The following NR3C2 variants were observed in gnomAD, a reference collection of about 807,000 sequenced individuals.
NR3C2 encodes mineralocorticoid receptor.
Under a neutral mutation model 86.4 loss-of-function variants are expected in NR3C2, and 15 were observed. That is an observed-to-expected ratio of 0.17 (90% CI 0.12 to 0.27). NR3C2 has a LOEUF of 0.27. Among genes scored for constraint, NR3C2 ranks in the 10% least tolerant of loss-of-function variants. The pLI is 1.00. For synonymous variants in NR3C2, 458 were observed against 450.5 expected (o/e 1.02, Z -0.21); for missense variants, 960 against 1,195.6 (o/e 0.80, Z 2.91).
intron 3 of NR3C2, among the ~76,000 whole-genome samples, chr4:148,235,904 T>C (rs918744484): frequency 3.9e-5 from 6 of 152,386 alleles, no homozygotes; most frequent in Middle Eastern, 3.4e-3. Flanking sequence ...GCTACCTTTC[T>C]TCCTCCATCT....
chr4:148,421,210 T>C (rs1749265172), intron 2 of NR3C2, among the ~76,000 whole-genome samples: 1 of 152,200 alleles, frequency 6.6e-6, no homozygotes, highest in Non-Finnish European at 1.5e-5. Context: ...AAATTTGCCA[T>C]ATTCACCATT....
intron 4 of NR3C2, among the ~76,000 whole-genome samples, chr4:148,189,663 T>G (rs1217241772): frequency 6.6e-6 from 1 of 152,178 alleles, no homozygotes; most frequent in African/African-American, 2.4e-5. Flanking sequence ...GACTTTTTTT[T>G]GTTGACAATT....
At chr4:148,136,060 A>ACC (rs1560939881) in intron 6 of NR3C2, among the ~76,000 whole-genome samples, 27 of 57,344 alleles carry the variant, frequency 4.7e-4, no homozygotes, top group Non-Finnish European at 8.3e-4. Context: ...CCGTCTCAAA[A>ACC]AAAAAAAAAA....
chr4:148,398,439 T>C (rs1747971815), intron 2 of NR3C2, among the ~76,000 whole-genome samples: 1 of 152,226 alleles, frequency 6.6e-6, no homozygotes, highest in African/African-American at 2.4e-5. Flanking sequence ...ATATATAAAA[T>C]ATCACTTCTG....
intron 3 of NR3C2, among the ~76,000 whole-genome samples, chr4:148,224,507 A>G (rs1738042880): frequency 6.6e-6 from 1 of 152,210 alleles, no homozygotes; most frequent in Non-Finnish European, 1.5e-5. Context: ...CATTGTGGGG[A>G]CACAGAAAAA....
intron 2 of NR3C2, among the ~76,000 whole-genome samples, chr4:148,342,284 C>G (rs1389299723): frequency 6.6e-6 from 1 of 152,130 alleles, no homozygotes; most frequent in Non-Finnish European, 1.5e-5. Context: ...AACACACACA[C>G]ACACACAGAA....
intron 4 of NR3C2, among the ~76,000 whole-genome samples, chr4:148,161,717 C>CA (rs1343814066): frequency 6.6e-6 from 1 of 152,050 alleles, no homozygotes; most frequent in Non-Finnish European, 1.5e-5. Context: ...TATTACTTAG[C>CA]AAATAACTAA....
intron 2 of NR3C2, among the ~76,000 whole-genome samples, chr4:148,319,088 T>C (rs1298071715): frequency 6.6e-6 from 1 of 151,846 alleles, no homozygotes; most frequent in Admixed American, 6.6e-5. Context: ...TTCAGCTTTC[T>C]ACATATGGCT....
chr4:148,436,397 C>G lies in NR3C2; in HGVS notation c.464G>C (p.Ser155Thr). ...TGATCTCAAGGGCGTGTTCACACAA[C>G]TTAGAGTGGAAGGACGATGGCCATT... ...KGNGHRPSTL[S>T]CVNTPLRSFM... The change falls in exon 2 of 9, where the codon AGT (serine) becomes ACT (threonine). Residue 155 changes from serine to threonine, a missense_variant. Physicochemically the swap from Ser to Thr is moderately conservative, Grantham distance 58. Coordinates refer to ENST00000358102, the MANE Select transcript of NR3C2 (RefSeq NM_000901.5). The G allele has an allele frequency of 6.2e-7, 1 of 1,614,182 alleles. No individual in the cohort carries two copies. The highest frequency in any genetic ancestry group is 8.5e-7 in the Non-Finnish European group (1 of 1,180,038).
chr4:148,268,556 T>C (rs1174402848), intron 2 of NR3C2, among the ~76,000 whole-genome samples: 1 of 152,186 alleles, frequency 6.6e-6, no homozygotes, highest in Non-Finnish European at 1.5e-5. Context: ...CCTTGGAAAA[T>C]AATTTAAAGC....
At chr4:148,138,472 C>T (rs1733455910) in intron 6 of NR3C2, among the ~76,000 whole-genome samples, 1 of 152,114 alleles carries the variant, frequency 6.6e-6, no homozygotes, top group African/African-American at 2.4e-5. Flanking sequence ...GCCTCAACTT[C>T]CCTGGGCTCA....
At chr4:148,269,904 A>G (rs1377476553) in intron 2 of NR3C2, among the ~76,000 whole-genome samples, 1 of 152,182 alleles carries the variant, frequency 6.6e-6, no homozygotes, top group African/African-American at 2.4e-5. Flanking sequence ...AAAAGATTAT[A>G]TATGTACACA....
In NR3C2 at chr4:148,187,000, A is replaced by G. The variant is rs374574916; in HGVS notation, c.2014+7746T>C. Among the ~76,000 whole-genome samples, 55 of 14,460 alleles carry G rather than the reference A, an allele frequency of 3.8e-3. 1 individual carries two copies. The East Asian group carries it at 0.042, about 11-fold the overall frequency. The allele number at this position is 14,460 out of a possible 152,430, so 9.5% of individuals were successfully genotyped here. A position where few individuals can be genotyped will look rare whatever the true frequency, so the allele number is the denominator to read the frequency against. On this transcript the variant is annotated intron_variant, in intron 4 of 8. Transcript: ENST00000358102. ...CATACTGATGTGTGTATGTATGTAT[A>G]TATATATATATATATATATATATAT...
intron 3 of NR3C2, among the ~76,000 whole-genome samples, chr4:148,199,136 C>T (rs1736589536): frequency 6.9e-6 from 1 of 144,382 alleles, no homozygotes; most frequent in African/African-American, 2.6e-5. Context: ...CAAAAATCAA[C>T]TCGTAATGAA....
intron 7 of NR3C2, among the ~76,000 whole-genome samples, chr4:148,116,443 G>A (rs1271536049): frequency 6.6e-6 from 1 of 152,212 alleles, no homozygotes; most frequent in Non-Finnish European, 1.5e-5. Context: ...CAGCAGAGCT[G>A]CTGGAAATCA....
chr4:148,188,028 T>C (rs752202180), intron 4 of NR3C2, among the ~76,000 whole-genome samples: 6 of 152,230 alleles, frequency 3.9e-5, no homozygotes, highest in Non-Finnish European at 7.3e-5. Context: ...TGGCTCTAAG[T>C]ATCTGGGTTT....
chr4:148,212,026 G>A (rs898067363), intron 3 of NR3C2, among the ~76,000 whole-genome samples: 5 of 152,084 alleles, frequency 3.3e-5, no homozygotes, highest in South Asian at 4.2e-4. Context: ...ACCTTCCTTG[G>A]AACCTTCCCT....
intron 2 of NR3C2, among the ~76,000 whole-genome samples, chr4:148,312,552 T>G (rs907556080): frequency 1.3e-5 from 2 of 152,194 alleles, no homozygotes; most frequent in Non-Finnish European, 2.9e-5. Flanking sequence ...ATCTGGCACA[T>G]AGTAGGTACT....
At chr4:148,165,727 AC>A (rs1286092825) in intron 4 of NR3C2, among the ~76,000 whole-genome samples, 1 of 152,190 alleles carries the variant, frequency 6.6e-6, no homozygotes, top group African/African-American at 2.4e-5. Flanking sequence ...GAGCCAGATA[AC>A]CAAACAAAAT....
Sources: allele counts gnomAD v4.1 joint callset (sites outside exome capture counted in the v4.1 genomes callset), GRCh38; gene constraint gnomAD v4.1.1; transcripts MANE v1.5; gene names NCBI Gene and HGNC (gene_info 2026-07-23, HGNC 2026-07-21).